LOC128092252: variants seen among roughly 807,000 people sequenced by gnomAD.
the LOC128092252 span, chr15:50,686,489 C>A: frequency 1.2e-6 from 2 of 1,613,996 alleles, no homozygotes; most frequent in African/African-American, 1.3e-5. Context: ...CCGCCCGCAA[C>A]CCCAGAACCA....
chr15:50,669,323 T>C, the LOC128092252 span, among the ~76,000 whole-genome samples: 1 of 151,876 alleles, frequency 6.6e-6, no homozygotes, highest in Admixed American at 6.6e-5. Flanking sequence ...TAATTCCAAC[T>C]ACACAGGAAG....
the LOC128092252 span, among the ~76,000 whole-genome samples, chr15:50,670,075 C>T: frequency 0.058 from 8,863 of 152,156 alleles, 332 homozygotes; most frequent in African/African-American, 0.11. Flanking sequence ...ATGGATGGCC[C>T]TCAGCAAACT....
At chr15:50,682,126 C>T in the LOC128092252 span, among the ~76,000 whole-genome samples, 6 of 144,690 alleles carry the variant, frequency 4.1e-5, no homozygotes, top group Admixed American at 3.6e-4. Context: ...TGCAGTGAGC[C>T]GACATCGCGC....
the LOC128092252 span, among the ~76,000 whole-genome samples, chr15:50,673,191 C>A: frequency 1.3e-5 from 2 of 152,116 alleles, no homozygotes; most frequent in East Asian, 3.8e-4. Flanking sequence ...CTCACTGACT[C>A]GCCCAGAACA....
the LOC128092252 span, among the ~76,000 whole-genome samples, chr15:50,674,249 A>C: frequency 6.6e-6 from 1 of 152,304 alleles, no homozygotes; most frequent in East Asian, 1.9e-4. Flanking sequence ...TCGGCCTCCC[A>C]AAGTGCTAGG....
At chr15:50,680,205 G>C in the LOC128092252 span, among the ~76,000 whole-genome samples, 1 of 151,892 alleles carries the variant, frequency 6.6e-6, no homozygotes, top group Non-Finnish European at 1.5e-5. Flanking sequence ...CTGCACTCCA[G>C]CCTGGGTGAC....
the LOC128092252 span, among the ~76,000 whole-genome samples, chr15:50,651,642 T>C: frequency 0.15 from 22,376 of 151,120 alleles, 2,214 homozygotes; most frequent in Admixed American, 0.28. Flanking sequence ...AACGAAAAAA[T>C]TAAAGAAAAA....
the LOC128092252 span, among the ~76,000 whole-genome samples, chr15:50,667,677 A>G: frequency 2.0e-5 from 3 of 152,230 alleles, no homozygotes; most frequent in Non-Finnish European, 4.4e-5. Context: ...ACTGCACTCC[A>G]GCCTGGGCAA....
chr15:50,686,562 C>G, the LOC128092252 span: 4 of 1,609,444 alleles, frequency 2.5e-6, no homozygotes, highest in Non-Finnish European at 1.7e-6. Flanking sequence ...TCCGGAAGGG[C>G]AGCAACTCCA....
chr15:50,685,652 A>T, the LOC128092252 span, among the ~76,000 whole-genome samples: 3 of 152,224 alleles, frequency 2.0e-5, no homozygotes, highest in Non-Finnish European at 4.4e-5. Flanking sequence ...ATCAAATTCA[A>T]GTACTGACCA....
chr15:50,662,880 A>G, the LOC128092252 span: 1 of 908,172 alleles, frequency 1.1e-6, no homozygotes, highest in African/African-American at 1.7e-5. Flanking sequence ...TAATTTATTT[A>G]GTGGTTTTTG....
At chr15:50,656,387 C>A in the LOC128092252 span, among the ~76,000 whole-genome samples, 8 of 152,154 alleles carry the variant, frequency 5.3e-5, no homozygotes, top group East Asian at 1.5e-3. Flanking sequence ...GCAGCCTCAA[C>A]TTCCCAGGCC....
chr15:50,651,093 GGGAGGACTGCTTGAGCCCA>G, the LOC128092252 span, among the ~76,000 whole-genome samples: 1 of 151,776 alleles, frequency 6.6e-6, no homozygotes, highest in Admixed American at 6.6e-5. Context: ...AAGCTGAGAT[GGGAGGACTGCTTGAGCCCA>G]GGAGGCAGAG....
chr15:50,659,534 C>T, the LOC128092252 span, among the ~76,000 whole-genome samples: 1 of 152,140 alleles, frequency 6.6e-6, no homozygotes, highest in Non-Finnish European at 1.5e-5. Context: ...AATTATGTCT[C>T]TCATGAATGG....
At chr15:50,686,389 G>A in the LOC128092252 span, 18 of 1,405,960 alleles carry the variant, frequency 1.3e-5, no homozygotes, top group African/African-American at 1.3e-4. Context: ...GTCCCGAGAG[G>A]ACAAATCCGG....
chr15:50,678,584 T>C, the LOC128092252 span, among the ~76,000 whole-genome samples: 30 of 149,686 alleles, frequency 2.0e-4, no homozygotes, highest in Non-Finnish European at 4.4e-4. Context: ...TGTCACAGAG[T>C]TCCACTCTTA....
the LOC128092252 span, chr15:50,686,542 C>G: frequency 6.2e-7 from 1 of 1,611,068 alleles, no homozygotes; most frequent in Non-Finnish European, 8.5e-7. Context: ...ATTCTCCTCA[C>G]GGGGCGGACT....
At chr15:50,667,089 C>T in the LOC128092252 span, among the ~76,000 whole-genome samples, 1 of 151,962 alleles carries the variant, frequency 6.6e-6, no homozygotes, top group Non-Finnish European at 1.5e-5. Context: ...CTGAGGAGAC[C>T]CCCAACCCAA....
At chr15:50,665,313 G>C in the LOC128092252 span, among the ~76,000 whole-genome samples, 5 of 151,482 alleles carry the variant, frequency 3.3e-5, no homozygotes, top group East Asian at 9.7e-4. Context: ...AGAACTGCTT[G>C]AACCCGGGAG....
Sources: gnomAD v4.1 joint callset for allele counts (sites outside exome capture counted in the v4.1 genomes callset) on GRCh38, gnomAD v4.1.1 for gene constraint, MANE v1.5 for transcripts.